CENPW: variants seen among roughly 807,000 people sequenced by gnomAD.
The protein encoded by CENPW is centromere protein W.
A neutral mutation model predicts 11.1 loss-of-function variants in CENPW; 3 were observed. The observed-to-expected ratio is 0.27, with a 90% CI of 0.12 to 0.70. The LOEUF (loss-of-function observed/expected upper bound fraction) is 0.70. Ranked by LOEUF, CENPW falls within the 30% of genes least tolerant of loss-of-function variation. CENPW has a pLI of 0.77. For synonymous variants in CENPW, 38 were observed against 42.0 expected (o/e 0.91, Z 0.37); for missense variants, 100 against 105.6 (o/e 0.95, Z 0.23).
At chr6:126,396,557 G>C in the CENPW span, among the ~76,000 whole-genome samples, 2 of 152,080 alleles carry the variant, frequency 1.3e-5, no homozygotes, top group Admixed American at 6.5e-5. Flanking sequence ...TGTGATCAAG[G>C]TGGTACCTAT....
chr6:126,408,418 G>T, the CENPW span, among the ~76,000 whole-genome samples: 1 of 152,040 alleles, frequency 6.6e-6, no homozygotes, highest in African/African-American at 2.4e-5. Flanking sequence ...ATCAGATCTC[G>T]TGAGACTTAT....
chr6:126,461,250 G>T, the CENPW span, among the ~76,000 whole-genome samples: 1 of 150,734 alleles, frequency 6.6e-6, no homozygotes, highest in African/African-American at 2.4e-5. Flanking sequence ...TTCTAAAAAT[G>T]GGAGTTTCCC....
the CENPW span, among the ~76,000 whole-genome samples, chr6:126,460,828 T>C: frequency 2.6e-5 from 4 of 151,720 alleles, no homozygotes; most frequent in Non-Finnish European, 4.4e-5. Flanking sequence ...TTACTACAAC[T>C]GGGCCATGCA....
the CENPW span, among the ~76,000 whole-genome samples, chr6:126,449,624 G>A: frequency 6.6e-6 from 1 of 151,060 alleles, no homozygotes; most frequent in Admixed American, 6.6e-5. Flanking sequence ...AGAATAGACT[G>A]TGGATTAGGT....
chr6:126,438,123 C>G, the CENPW span, among the ~76,000 whole-genome samples: 2 of 150,882 alleles, frequency 1.3e-5, no homozygotes. Context: ...ATGTTAATGC[C>G]CAGTAAAATG....
chr6:126,343,039 T>C (rs1780342792), intron 1 of CENPW, among the ~76,000 whole-genome samples: 1 of 152,200 alleles, frequency 6.6e-6, no homozygotes, highest in Admixed American at 6.5e-5. Flanking sequence ...TGGGTGCTTA[T>C]AGTTCATGTA....
the CENPW span, among the ~76,000 whole-genome samples, chr6:126,383,581 T>A: frequency 1.3e-4 from 20 of 151,156 alleles, no homozygotes; most frequent in Non-Finnish European, 5.9e-5. Context: ...TGGAGAAAAA[T>A]CTACCAAGGA....
At chr6:126,428,912 T>G in the CENPW span, among the ~76,000 whole-genome samples, 10 of 152,176 alleles carry the variant, frequency 6.6e-5, no homozygotes, top group Admixed American at 1.3e-4. Flanking sequence ...TTTGCTACTG[T>G]TTTTGTATGT....
the CENPW span, among the ~76,000 whole-genome samples, chr6:126,438,603 C>T: frequency 1.3e-5 from 2 of 151,580 alleles, no homozygotes; most frequent in Admixed American, 6.6e-5. Context: ...AAATTGCCTG[C>T]TGTAAAATAG....
the CENPW span, among the ~76,000 whole-genome samples, chr6:126,438,504 CA>C: frequency 6.6e-6 from 1 of 151,616 alleles, no homozygotes; most frequent in African/African-American, 2.4e-5. Context: ...TGTTGTTTAA[CA>C]ATTAGCAGCA....
the CENPW span, among the ~76,000 whole-genome samples, chr6:126,428,805 T>C: frequency 1.2e-4 from 18 of 152,180 alleles, no homozygotes; most frequent in Non-Finnish European, 2.5e-4. Context: ...GTTGGATACA[T>C]AATTTTTCTT....
the CENPW span, among the ~76,000 whole-genome samples, chr6:126,391,951 C>T: frequency 6.6e-6 from 1 of 151,688 alleles, no homozygotes. Context: ...TTTGACTATT[C>T]TAGGTCTTTT....
At chr6:126,391,003 C>T in the CENPW span, among the ~76,000 whole-genome samples, 1 of 151,790 alleles carries the variant, frequency 6.6e-6, no homozygotes, top group Non-Finnish European at 1.5e-5. Flanking sequence ...AGGAGAATTG[C>T]TGGACAATAT....
the CENPW span, among the ~76,000 whole-genome samples, chr6:126,385,882 G>C: frequency 6.6e-6 from 1 of 152,088 alleles, no homozygotes; most frequent in Non-Finnish European, 1.5e-5. Context: ...GTCTTGAGCA[G>C]TTCTTTATAG....
chr6:126,377,198 A>C, the CENPW span, among the ~76,000 whole-genome samples: 1 of 152,036 alleles, frequency 6.6e-6, no homozygotes, highest in Non-Finnish European at 1.5e-5. Flanking sequence ...CTATTTTTTA[A>C]CTGGAGTTAT....
At chr6:126,442,657 G>A in the CENPW span, among the ~76,000 whole-genome samples, 3 of 151,244 alleles carry the variant, frequency 2.0e-5, no homozygotes, top group African/African-American at 7.3e-5. Flanking sequence ...CTCACAAAAA[G>A]ATAGTCAAAT....
chr6:126,396,299 C>T, the CENPW span, among the ~76,000 whole-genome samples: 1 of 152,122 alleles, frequency 6.6e-6, no homozygotes, highest in African/African-American at 2.4e-5. Flanking sequence ...CTGCTTTCCA[C>T]AGGCAGATGA....
chr6:126,462,841 G>C, the CENPW span, among the ~76,000 whole-genome samples: 11 of 151,948 alleles, frequency 7.2e-5, no homozygotes, highest in African/African-American at 2.4e-4. Flanking sequence ...TCAACTGCTG[G>C]ATTAACTGGC....
chr6:126,481,917 A>T, the CENPW span, among the ~76,000 whole-genome samples: 1 of 152,142 alleles, frequency 6.6e-6, no homozygotes, highest in Non-Finnish European at 1.5e-5. Flanking sequence ...ATGACTAAAA[A>T]TTAGATAACA....
Sources: gnomAD v4.1 joint callset for allele counts (sites outside exome capture counted in the v4.1 genomes callset) on GRCh38, gnomAD v4.1.1 for gene constraint, MANE v1.5 for transcripts, NCBI Gene and HGNC (gene_info 2026-07-23, HGNC 2026-07-21) for gene names.